The following IL17RD variants were observed in gnomAD, a reference collection of about 807,000 sequenced individuals.
IL17RD encodes interleukin-17 receptor D.
Under a neutral mutation model 80.5 loss-of-function variants are expected in IL17RD, and 52 were observed. That is an observed-to-expected ratio of 0.65 (90% CI 0.52 to 0.81). IL17RD has a LOEUF of 0.81. IL17RD is among the 40% of genes least tolerant of loss of function. IL17RD has a pLI of 0.00. For missense variants in IL17RD, 1,024 were observed against 955.1 expected, an observed-to-expected ratio of 1.07 and a Z score of -0.95; for synonymous variants, 416 against 391.8, an observed-to-expected ratio of 1.06 and a Z score of -0.73.
intron 1 of IL17RD, among the ~76,000 whole-genome samples, chr3:57,125,604 G>C (rs984186375): frequency 1.8e-4 from 28 of 152,192 alleles, no homozygotes; most frequent in Non-Finnish European, 4.4e-5. Context: ...TAATGAGGAA[G>C]ACTGGAGAAA....
At chr3:57,117,475 T>C (rs144633897) in intron 2 of IL17RD, among the ~76,000 whole-genome samples, 255 of 152,236 alleles carry the variant, frequency 1.7e-3, no homozygotes, top group African/African-American at 5.8e-3. Context: ...CACCTCAGAA[T>C]GTAAAGGAAA....
rs1484173639 is a variant in IL17RD, at chr3:57,109,663, A to G, written c.430-6T>C. 1 of 1,612,062 alleles carries G rather than the reference A, an allele frequency of 6.2e-7. No individual in the cohort carries two copies. The highest frequency in any genetic ancestry group is 2.2e-5 in the East Asian group (1 of 44,878). On this transcript the variant is annotated splice_polypyrimidine_tract_variant and splice_region_variant and intron_variant, in intron 4 of 12. Coordinates refer to ENST00000296318, the MANE Select transcript of IL17RD (RefSeq NM_017563.5). ...AAAGGTTGAGATTCCATTCCCTAAAAGGGAACAAAAACACAGTGACATCAT... is the reference window on the plus strand; with the variant it reads ...AAAGGTTGAGATTCCATTCCCTAAAGGGGAACAAAAACACAGTGACATCAT...
chr3:57,106,237 G>A (rs1034104083), intron 5 of IL17RD, 83 bp from the exon 6 acceptor site: 1 of 995,926 alleles, frequency 1.0e-6, no homozygotes, highest in Non-Finnish European at 1.6e-6. Context: ...GAAATATAAA[G>A]ATACTGTGCC....
intron 1 of IL17RD, chr3:57,164,855 T>G: frequency 8.8e-7 from 1 of 1,132,280 alleles, no homozygotes. Context: ...GAACAAAGGG[T>G]GGGGCGCCCG....
At chr3:57,100,631 A>G (rs1666388782) in intron 11 of IL17RD, among the ~76,000 whole-genome samples, 1 of 152,054 alleles carries the variant, frequency 6.6e-6, no homozygotes, top group Non-Finnish European at 1.5e-5. Flanking sequence ...CTCCCTGTCT[A>G]TGATTCCACC....
intron 1 of IL17RD, among the ~76,000 whole-genome samples, chr3:57,146,989 A>ATTTT: frequency 7.9e-6 from 1 of 126,474 alleles, no homozygotes; most frequent in Non-Finnish European, 1.7e-5. Flanking sequence ...TGCCCGGCTA[A>ATTTT]TTTTTTTTTT....
At chr3:57,168,803 A>G (rs1165015609), upstream of IL17RD, among the ~76,000 whole-genome samples, 1 of 151,540 alleles carries the variant, frequency 6.6e-6, no homozygotes, top group Non-Finnish European at 1.5e-5. Context: ...TGCAACCTCC[A>G]CCTCCCAGGT....
In IL17RD at chr3:57,090,876, G is replaced by C. The variant is rs1490538347; in HGVS notation, c.*5517C>G. Reference sequence around the variant, plus strand: ...AAACATCAGATATGCAGTCATAACTGTTTGCTTTTGTGAGACTTCTGATTG... The same window carrying C: ...AAACATCAGATATGCAGTCATAACTCTTTGCTTTTGTGAGACTTCTGATTG... On this transcript the variant is annotated 3_prime_UTR_variant, in exon 13 of 13. Coordinates refer to ENST00000296318, the MANE Select transcript of IL17RD (RefSeq NM_017563.5). 6.6e-6 allele frequency: 1 copy of C among 152,180 alleles called. No homozygotes were observed. The highest frequency in any genetic ancestry group is 1.5e-5 in the Non-Finnish European group (1 of 68,036). The allele number at this position is 152,180 out of a possible 1,614,324, so 9.4% of individuals were successfully genotyped here.
intron 1 of IL17RD, among the ~76,000 whole-genome samples, chr3:57,123,783 C>A (rs1707389325): frequency 6.6e-6 from 1 of 152,168 alleles, no homozygotes; most frequent in African/African-American, 2.4e-5. Context: ...GTGGCTCACA[C>A]CTGTAATCTC....
At chr3:57,134,263 A>G in intron 1 of IL17RD, 1 of 683,576 alleles carries the variant, frequency 1.5e-6, no homozygotes. Context: ...CAGATCCAGA[A>G]GCTGATCAAA....
chr3:57,165,529 G>A (rs1289550109), upstream of IL17RD, among the ~76,000 whole-genome samples: 2 of 109,860 alleles, frequency 1.8e-5, no homozygotes, highest in Non-Finnish European at 3.7e-5. Flanking sequence ...CGCCCCCCAA[G>A]CCCCCACTGA....
At chr3:57,110,387 C>T (rs542001903) in intron 3 of IL17RD, 76 bp from the exon 4 acceptor site, 61 of 1,453,978 alleles carry the variant, frequency 4.2e-5, no homozygotes, top group Non-Finnish European at 5.2e-5. Flanking sequence ...CCAAGATTAC[C>T]ATCTTCTCTA....
rs1433411452 is a variant in IL17RD, at chr3:57,104,398, T to C, written c.757A>G (p.Thr253Ala). The C allele has an allele frequency of 1.2e-6, 2 of 1,606,732 alleles. No individual in the cohort carries two copies. Among genetic ancestry groups the C allele is most frequent in the South Asian group, 1.1e-5 (1 of 89,994 alleles). The change falls in exon 8 of 13, where the codon ACA becomes GCA. Residue 253 changes from threonine (T) to alanine (A), a missense_variant. Thr to Ala is a moderately conservative substitution (Grantham distance 58). Transcript: ENST00000296318. ...TGAAGGAGGCAGCTGGTCGTCTCTG[T>C]AGTTTGCTCCTGCAACAGACCAAAG... ...KRKTCKQEQT[T>A]ETTSCLLQNV...
In IL17RD at chr3:57,097,782, C is replaced by T. The variant is rs761568010; in HGVS notation, c.1921G>A (p.Ala641Thr). 14 of 1,602,462 alleles carry T rather than the reference C, an allele frequency of 8.7e-6. No individual in the cohort carries two copies. The highest frequency in any genetic ancestry group is 1.7e-4 in the Middle Eastern group (1 of 6,014). Residue 641 changes from alanine (A) to threonine (T), a missense_variant, in exon 12 of 13, where the codon GCC becomes ACC. Physicochemically the swap from Ala to Thr is moderately conservative, Grantham distance 58. Coordinates refer to ENST00000296318, the MANE Select transcript of IL17RD (RefSeq NM_017563.5). Reference protein sequence around the residue: ...GEARPALDGSAALQPLLHTVK... With the variant: ...GEARPALDGSTALQPLLHTVK... The stretch of plus-strand genomic sequence containing the variant: ...GTGTGCAGCAGGGGTTGCAGGGCGG[C>T]GCTACCGTCAAGGGCAGGCCGGGCC...
upstream of IL17RD, chr3:57,170,263 C>G (rs2060363680): frequency 1.3e-5 from 2 of 152,272 alleles, no homozygotes; most frequent in Admixed American, 1.3e-4. Context: ...CACCGGCCCA[C>G]GGCCACTTCC....
intron 1 of IL17RD, among the ~76,000 whole-genome samples, chr3:57,136,425 G>A (rs1219736981): frequency 1.3e-5 from 2 of 152,076 alleles, no homozygotes; most frequent in African/African-American, 4.8e-5. Flanking sequence ...TCGAGACCAG[G>A]AATTCAAGAC....
intron 1 of IL17RD, chr3:57,150,264 C>T (rs1391754473): frequency 1.3e-5 from 2 of 152,198 alleles, no homozygotes; most frequent in Admixed American, 1.3e-4. Context: ...ATTTAATTAT[C>T]TCCAAAGTGC....
At position 57,113,950 on chromosome 3, in the gene IL17RD, C is replaced by T. The variant is rs183808729; in HGVS notation, c.310+742G>A. Among the ~76,000 whole-genome samples, 32 of 151,928 alleles carry T rather than the reference C, an allele frequency of 2.1e-4. No individual in the cohort carries two copies. The East Asian group carries it at 5.8e-3, about 28-fold the overall frequency. On this transcript the variant is annotated intron_variant, in intron 3 of 12. Coordinates refer to ENST00000296318, the MANE Select transcript of IL17RD (RefSeq NM_017563.5). ...CCTGTAATCCCAGCACTTTTGGAGG[C>T]CGAGGCGGGCGGATCACGAGGTCAG...
chr3:57,111,987 A>G (rs116500944), intron 3 of IL17RD, among the ~76,000 whole-genome samples: 1,530 of 151,944 alleles, frequency 0.01, 16 homozygotes, highest in African/African-American at 0.035. Context: ...AAGAAAGAAA[A>G]AAAAATTCAT....
Sources: allele counts gnomAD v4.1 joint callset (sites outside exome capture counted in the v4.1 genomes callset), GRCh38; gene constraint gnomAD v4.1.1; transcripts MANE v1.5; gene names NCBI Gene and HGNC (gene_info 2026-07-23, HGNC 2026-07-21).